MAP2K4: variants seen among roughly 807,000 people sequenced by gnomAD.
The protein encoded by MAP2K4 is mitogen-activated protein kinase kinase 4, also known as dual specificity mitogen-activated protein kinase kinase 4.
MAP2K4 carries 4 observed loss-of-function variants against 48.5 expected under a neutral mutation model. The ratio of observed to expected loss-of-function variants is 0.08; its 90% CI spans 0.04 to 0.19. MAP2K4 has a LOEUF of 0.19. Ranked by LOEUF, MAP2K4 falls within the 10% of genes least tolerant of loss-of-function variation. The pLI, the probability that MAP2K4 is intolerant of heterozygous loss-of-function variation, is 1.00. For synonymous variants in MAP2K4, 166 were observed against 173.1 expected (o/e 0.96, Z 0.32); for missense variants, 258 against 493.3 (o/e 0.52, Z 4.52).
chr17:12,136,061 T>C (rs1473526895), intron 9 of MAP2K4, among the ~76,000 whole-genome samples: 1 of 152,186 alleles, frequency 6.6e-6, no homozygotes, highest in Non-Finnish European at 1.5e-5. Context: ...GAAAAATTAC[T>C]TTTCAGAGTC....
intron 8 of MAP2K4, among the ~76,000 whole-genome samples, chr17:12,126,008 AG>A (rs1233210086): frequency 6.6e-6 from 1 of 152,128 alleles, no homozygotes; most frequent in Non-Finnish European, 1.5e-5. Flanking sequence ...GAGAGAGTGA[AG>A]GGGAAGGTGC....
rs756932471 is a variant in MAP2K4, at chr17:12,139,825, T to G, written c.1041-14T>G. Reference sequence around the variant, plus strand: ...AATCTACATTTTAATAATGTTATTTTTATGTTATTTTAGCCTTACGAAGGA... The same window carrying G: ...AATCTACATTTTAATAATGTTATTTGTATGTTATTTTAGCCTTACGAAGGA... On this transcript the variant is annotated splice_polypyrimidine_tract_variant and intron_variant, in intron 9 of 10. Transcript: ENST00000353533. 7.6e-6 allele frequency: 12 copies of G among 1,572,170 alleles called. No individual in the cohort carries two copies. In the East Asian group the frequency reaches 2.5e-4, roughly 32 times the overall value.
At chr17:12,126,421 A>G (rs1972855607) in intron 8 of MAP2K4, among the ~76,000 whole-genome samples, 1 of 152,232 alleles carries the variant, frequency 6.6e-6, no homozygotes, top group African/African-American at 2.4e-5. Context: ...AATCTTATCA[A>G]GAACAGAAAT....
chr17:12,085,001 G>A (rs1971313224), intron 3 of MAP2K4, among the ~76,000 whole-genome samples: 1 of 152,140 alleles, frequency 6.6e-6, no homozygotes, highest in South Asian at 2.1e-4. Flanking sequence ...AAGAATGACT[G>A]TAAGCCTCTG....
rs145186950 is a variant in MAP2K4, at chr17:12,092,765, G to A, written c.394-2810G>A. 7.6e-3 allele frequency among the ~76,000 whole-genome samples: 1,151 copies of A among 152,210 alleles called. 12 individuals are homozygous for A. Among genetic ancestry groups the A allele is most frequent in the African/African-American group, 0.025 (1,032 of 41,518 alleles). The stretch of plus-strand genomic sequence containing the variant: ...TAGCAGGTCGGTCACAGTGGCTCAC[G>A]CCTGTAATCCCAGCACTTTGGGAGG... On this transcript the variant is annotated intron_variant, in intron 3 of 10. Coordinates refer to ENST00000353533, the MANE Select transcript of MAP2K4 (RefSeq NM_003010.4).
chr17:12,056,579 T>C (rs568398617), intron 2 of MAP2K4, among the ~76,000 whole-genome samples: 23 of 152,202 alleles, frequency 1.5e-4, no homozygotes, highest in African/African-American at 5.3e-4. Flanking sequence ...ATAGAATCTT[T>C]AGAGCTTGAT....
At chr17:12,128,835 T>A (rs1972939886) in intron 8 of MAP2K4, among the ~76,000 whole-genome samples, 1 of 152,206 alleles carries the variant, frequency 6.6e-6, no homozygotes, top group Non-Finnish European at 1.5e-5. Context: ...TATAAAGAAG[T>A]CAGAACCACA....
chr17:12,075,809 C>A (rs1970981711), intron 2 of MAP2K4, among the ~76,000 whole-genome samples: 1 of 152,112 alleles, frequency 6.6e-6, no homozygotes, highest in African/African-American at 2.4e-5. Flanking sequence ...TATTTAATGA[C>A]TGTGTTAAAA....
chr17:12,063,373 G>T (rs1970512136), intron 2 of MAP2K4, among the ~76,000 whole-genome samples: 1 of 152,086 alleles, frequency 6.6e-6, no homozygotes, highest in Non-Finnish European at 1.5e-5. Flanking sequence ...TTTGACTGTG[G>T]TGCTTATAAT....
intron 7 of MAP2K4, chr17:12,124,663 T>A (rs1203991614): frequency 6.6e-6 from 1 of 152,146 alleles, no homozygotes; most frequent in East Asian, 1.9e-4. Context: ...ATTCTTTTTT[T>A]AAAACCTTTT....
intron 7 of MAP2K4, among the ~76,000 whole-genome samples, chr17:12,119,203 A>G (rs1489085581): frequency 6.6e-6 from 1 of 152,254 alleles, no homozygotes; most frequent in African/African-American, 2.4e-5. Flanking sequence ...CAACAGAGTA[A>G]ACAGATAATC....
At chr17:12,094,300 CA>C (rs1254629694) in intron 3 of MAP2K4, among the ~76,000 whole-genome samples, 1 of 152,166 alleles carries the variant, frequency 6.6e-6, no homozygotes, top group Non-Finnish European at 1.5e-5. Flanking sequence ...TGGAATTCCT[CA>C]AAAATGAAAC....
intron 3 of MAP2K4, among the ~76,000 whole-genome samples, chr17:12,095,252 C>T (rs1267967539): frequency 1.3e-5 from 2 of 152,122 alleles, no homozygotes; most frequent in East Asian, 3.9e-4. Flanking sequence ...AACTCATTAT[C>T]ATTTTCTTTA....
In MAP2K4 at chr17:12,106,958, T is replaced by C. The variant is rs28923211; in HGVS notation, c.514-832T>C. On this transcript the variant is annotated intron_variant, in intron 4 of 10. Coordinates refer to ENST00000353533, the MANE Select transcript of MAP2K4 (RefSeq NM_003010.4). The stretch of plus-strand genomic sequence containing the variant: ...TTGTTTTGTTTTTTCTTTTTGTAAT[T>C]TATGGAACATTTAAGTTACATTCCC... 5.7e-3 allele frequency among the ~76,000 whole-genome samples: 866 copies of C among 152,258 alleles called. 10 individuals are homozygous for C. Among genetic ancestry groups the C allele is most frequent in the African/African-American group, 0.02 (823 of 41,572 alleles).
chr17:12,029,512 T>C (rs1275710169), intron 1 of MAP2K4, among the ~76,000 whole-genome samples: 1 of 152,086 alleles, frequency 6.6e-6, no homozygotes, highest in African/African-American at 2.4e-5. Flanking sequence ...TATAAAAAAG[T>C]GAGGCACACA....
Position 12,095,664 on chromosome 17 carries a change from T to G in MAP2K4, c.483T>G (p.Ile161Met). ...TGCGGAGTAGTGATTGCCCATACATTGTTCAGTTTTATGGTGCACTCTTCA... is the reference window on the plus strand; with the variant it reads ...TGCGGAGTAGTGATTGCCCATACATGGTTCAGTTTTATGGTGCACTCTTCA... ...VVMRSSDCPY[I>M]VQFYGALFRE... Residue 161 changes from isoleucine (I) to methionine (M), a missense_variant, in exon 4 of 11, where the codon ATT (isoleucine) becomes ATG (methionine). By Grantham distance (10) the Ile-to-Met change is conservative (BLOSUM62 1). Transcript: ENST00000353533. 1 of 1,613,976 alleles carries G rather than the reference T, an allele frequency of 6.2e-7. No individual in the cohort carries two copies. The highest frequency in any genetic ancestry group is 8.5e-7 in the Non-Finnish European group (1 of 1,179,944).
At chr17:12,033,709 AG>A (rs1281200344) in intron 1 of MAP2K4, among the ~76,000 whole-genome samples, 10 of 152,204 alleles carry the variant, frequency 6.6e-5, no homozygotes, top group Admixed American at 2.6e-4. Context: ...GATAATTTTT[AG>A]CTTTGACTTT....
chr17:12,044,506 CAAG>C lies in MAP2K4; in HGVS notation c.116-10379_116-10377del, dbSNP rs758653206. On this transcript the variant is annotated intron_variant, in intron 1 of 10. Coordinates refer to ENST00000353533, the MANE Select transcript of MAP2K4 (RefSeq NM_003010.4). ...ATTACTTATAACATTATAAACTTGC[CAAG>C]AAGGAGAAGTCAGATCTGATTGTTT... Among the ~76,000 whole-genome samples, 3 of 152,108 alleles carry C rather than the reference CAAG, an allele frequency of 2.0e-5. No homozygotes were observed. In the South Asian group the frequency reaches 6.2e-4, roughly 31 times the overall value.
intron 2 of MAP2K4, among the ~76,000 whole-genome samples, chr17:12,075,361 G>T (rs961354451): frequency 2.0e-5 from 3 of 152,196 alleles, no homozygotes; most frequent in African/African-American, 4.8e-5. Flanking sequence ...GACAGCAAAA[G>T]AAAAGAATTT....
Sources: gnomAD v4.1 joint callset for allele counts (sites outside exome capture counted in the v4.1 genomes callset) on GRCh38, gnomAD v4.1.1 for gene constraint, MANE v1.5 for transcripts, NCBI Gene and HGNC (gene_info 2026-07-23, HGNC 2026-07-21) for gene names.